SGSM3: variants seen among roughly 807,000 people sequenced by gnomAD.
SGSM3 encodes the protein RUN and SH3 containing 3.
Under a neutral mutation model 100.5 loss-of-function variants are expected in SGSM3, and 96 were observed. The ratio of observed to expected loss-of-function variants is 0.96; its 90% CI spans 0.81 to 1.13. The LOEUF (loss-of-function observed/expected upper bound fraction) is 1.13, where lower values mean the gene tolerates loss of function less well. SGSM3 is among the 50% of genes most tolerant of loss of function. The probability of loss-of-function intolerance (pLI) is 0.00; values close to 1 mark genes in which losing one functional copy is unlikely to be tolerated. For synonymous variants in SGSM3, 483 were observed against 422.8 expected, an observed-to-expected ratio of 1.14 and a Z score of -1.75; for missense variants, 1,001 against 1,015.8, an observed-to-expected ratio of 0.99 and a Z score of 0.20.
chr22:40,396,951 T>A (rs1364656024), intron 1 of SGSM3, among the ~76,000 whole-genome samples: 3 of 152,204 alleles, frequency 2.0e-5, no homozygotes, highest in African/African-American at 4.8e-5. Flanking sequence ...TTTTGAAAAA[T>A]TCTTTCTAGA....
chr22:40,371,605 C>T (rs940440577), intron 1 of SGSM3, among the ~76,000 whole-genome samples: 8 of 152,046 alleles, frequency 5.3e-5, no homozygotes, highest in Non-Finnish European at 1.0e-4. Flanking sequence ...CTTTTAGTTC[C>T]AATTATCTCT....
chr22:40,409,052 G>A, intron 19 of SGSM3, 34 bp downstream of exon 19: 2 of 1,554,254 alleles, frequency 1.3e-6, no homozygotes, highest in South Asian at 1.2e-5. Context: ...GGAGAGCCCT[G>A]GAGTGGGGGG....
chr22:40,398,140 G>A (rs1435568026), intron 1 of SGSM3, among the ~76,000 whole-genome samples: 1 of 151,834 alleles, frequency 6.6e-6, no homozygotes, highest in African/African-American at 2.4e-5. Flanking sequence ...GCTAATTTTT[G>A]TATTTTTAGT....
chr22:40,381,450 C>T (rs2047568379), intron 1 of SGSM3, among the ~76,000 whole-genome samples: 1 of 152,178 alleles, frequency 6.6e-6, no homozygotes, highest in African/African-American at 2.4e-5. Context: ...TGCCCGGCTA[C>T]AAGGCATTTT....
At position 40,408,139 on chromosome 22, in the gene SGSM3, C is replaced by T. The variant is rs1190311499; in HGVS notation, c.1629+19C>T. ...CAAAGAGGTGAGGGGGGTGGGCGGG[C>T]TAGGCACGGCTGGCACCCTTCTAGC... is the stretch of plus-strand genomic sequence containing the variant. On this transcript the variant is annotated intron_variant, in intron 15 of 21. Coordinates refer to ENST00000248929, the MANE Select transcript of SGSM3 (RefSeq NM_015705.6). 3 of 1,610,326 alleles carry T rather than the reference C, an allele frequency of 1.9e-6. No homozygotes were observed. The highest frequency in any genetic ancestry group is 1.3e-5 in the African/African-American group (1 of 74,844).
At chr22:40,374,043 G>A (rs1435021029) in intron 1 of SGSM3, among the ~76,000 whole-genome samples, 2 of 151,730 alleles carry the variant, frequency 1.3e-5, no homozygotes, top group African/African-American at 4.8e-5. Flanking sequence ...CTGCCTCCCG[G>A]GTTTATTTAC....
chr22:40,375,099 GTTAACTA>G lies in SGSM3; in HGVS notation c.-112+4418_-112+4424del, dbSNP rs548037862. 5.3e-5 allele frequency among the ~76,000 whole-genome samples: 8 copies of G among 152,318 alleles called. No individual in the cohort carries two copies. In the East Asian group the frequency reaches 1.3e-3, roughly 26 times the overall value. Reference sequence around the variant, plus strand: ...CATTCACCTCTTTTCAGTAGGCACAGTTAACTATTAACTGTCTCTTCTAATATATGCC... The same window carrying G: ...CATTCACCTCTTTTCAGTAGGCACAGTTAACTGTCTCTTCTAATATATGCC... On this transcript the variant is annotated intron_variant, in intron 1 of 21. Transcript: ENST00000248929.
chr22:40,376,258 A>G (rs1038227048), intron 1 of SGSM3: 1 of 132,350 alleles, frequency 7.6e-6, no homozygotes, highest in Non-Finnish European at 1.5e-5. Flanking sequence ...ATGAAGTTCA[A>G]CTTACGGCTC....
intron 1 of SGSM3, among the ~76,000 whole-genome samples, chr22:40,375,477 G>A (rs1191473986): frequency 1.3e-5 from 2 of 151,948 alleles, no homozygotes; most frequent in Non-Finnish European, 2.9e-5. Flanking sequence ...CTATTCGGGA[G>A]GCTGAGGCAG....
rs2051716983 is a variant in SGSM3, at chr22:40,407,302, T to C, written c.1342T>C (p.Cys448Arg). The change falls in exon 12 of 22, where the codon TGC (cysteine) becomes CGC (arginine). Residue 448 changes from cysteine to arginine, a missense_variant. Transcript: ENST00000248929. This position sits in a 1 kb window ranked among gnomAD's most constrained non-coding sequence, Gnocchi z 4.7. ...AILRVARHFQCTDPKNCSVEL... is the reference protein window; with the variant it reads ...AILRVARHFQRTDPKNCSVEL... ...CCTGCGCGTGGCACGCCACTTCCAG[T>C]GCACAGACCCCAAAAACTGCAGCGT... 7 of 1,613,518 alleles carry C rather than the reference T, an allele frequency of 4.3e-6. No homozygotes were observed. The East Asian group carries it at 6.7e-5, about 15-fold the overall frequency.
At position 40,405,145 on chromosome 22, in the gene SGSM3, A is replaced by G; in HGVS notation, c.479A>G (p.Glu160Gly). 6.6e-7 allele frequency: 1 copy of G among 1,516,560 alleles called. No homozygotes were observed. Among genetic ancestry groups the G allele is most frequent in the East Asian group, 2.4e-5 (1 of 41,594 alleles). 93.9% of individuals were successfully genotyped at this position (1,516,560 alleles called of 1,614,324 possible). Reference sequence around the variant, plus strand: ...GTGCCGATGGCTGCCTGACAGATCGAGAAGGACCTGCTCCGCACCATGCCC... The same window carrying G: ...GTGCCGATGGCTGCCTGACAGATCGGGAAGGACCTGCTCCGCACCATGCCC... ...NDETIAAKQI[E>G]KDLLRTMPSN... The change falls in exon 7 of 22, where the codon GAG becomes GGG. Residue 160 changes from glutamate to glycine, a missense_variant. By Grantham distance (98) the Glu-to-Gly change is moderately conservative (BLOSUM62 -2). Transcript: ENST00000248929.
At chr22:40,396,592 CAAAAAAA>C (rs778373023) in intron 1 of SGSM3, among the ~76,000 whole-genome samples, 173 of 44,446 alleles carry the variant, frequency 3.9e-3, no homozygotes, top group East Asian at 0.018. Flanking sequence ...GACTCTGTCT[CAAAAAAA>C]AAAAAAAAAA....
intron 1 of SGSM3, among the ~76,000 whole-genome samples, chr22:40,391,965 C>T (rs908544371): frequency 1.2e-4 from 19 of 152,148 alleles, no homozygotes; most frequent in African/African-American, 3.9e-4. Context: ...AAAGCAGATT[C>T]GTAAATAGCT....
In SGSM3 at chr22:40,407,842, A is replaced by AGGTGGGGTCCTTGGTCTGCTC. The variant is rs1280622650; in HGVS notation, c.1579_1579+20dup. On this transcript the variant is annotated inframe_insertion and splice_region_variant, in exon 14 of 22. Coordinates refer to ENST00000248929, the MANE Select transcript of SGSM3 (RefSeq NM_015705.6). The surrounding 1 kb of genome is among the most constrained non-coding windows in gnomAD (Gnocchi z 4.7). ...GGGTGGGGGAGCTCAACGGCCTGCG[A>AGGTGGGGTCCTTGGTCTGCTC]GGTGGGGTCCTTGGTCTGCTCTTGA... 3.8e-6 allele frequency: 6 copies of AGGTGGGGTCCTTGGTCTGCTC among 1,595,192 alleles called. No individual in the cohort carries two copies. The highest frequency in any genetic ancestry group is 3.3e-4 in the Middle Eastern group (2 of 6,022).
At chr22:40,382,774 A>G (rs11913132) in intron 1 of SGSM3, among the ~76,000 whole-genome samples, 42,197 of 152,048 alleles carry the variant, frequency 0.28, 7,077 homozygotes, top group African/African-American at 0.43. Context: ...GGAAAATAGG[A>G]TCTCCATGCC....
chr22:40,371,112 C>CT (rs2045365439), intron 1 of SGSM3, among the ~76,000 whole-genome samples: 1 of 152,224 alleles, frequency 6.6e-6, no homozygotes, highest in African/African-American at 2.4e-5. Flanking sequence ...GCGGTTTTCC[C>CT]TTTAAGATTC....
chr22:40,386,798 G>A (rs2048535808), intron 1 of SGSM3, among the ~76,000 whole-genome samples: 2 of 151,918 alleles, frequency 1.3e-5, no homozygotes, highest in Non-Finnish European at 1.5e-5. Context: ...GACTTTGTGT[G>A]AGTCCCTTTG....
intron 1 of SGSM3, among the ~76,000 whole-genome samples, chr22:40,374,943 A>G (rs968142828): frequency 6.6e-6 from 1 of 152,234 alleles, no homozygotes; most frequent in Admixed American, 6.5e-5. Flanking sequence ...TAACAAGGCT[A>G]GATTTTCAGT....
chr22:40,406,058 T>C lies in SGSM3; in HGVS notation c.815-20T>C, dbSNP rs1007695111. ...TTTCCACCACCTCCTCCCCAGCGGC[T>C]TTGGCTCCTGTGTTTACAGAGCTGT... On this transcript the variant is annotated intron_variant, in intron 8 of 21. Coordinates refer to ENST00000248929, the MANE Select transcript of SGSM3 (RefSeq NM_015705.6). 1.9e-6 allele frequency: 3 copies of C among 1,608,814 alleles called. No individual in the cohort carries two copies. The African/African-American group carries it at 4.0e-5, about 21-fold the overall frequency.
Sources: allele counts gnomAD v4.1 joint callset (sites outside exome capture counted in the v4.1 genomes callset), GRCh38; gene constraint gnomAD v4.1.1; non-coding constraint Gnocchi (gnomAD v3.1); transcripts MANE v1.5; gene names NCBI Gene and HGNC (gene_info 2026-07-23, HGNC 2026-07-21).